MCC: variants seen among roughly 807,000 people sequenced by gnomAD.
MCC encodes MCC regulator of Wnt signaling pathway.
MCC carries 90 observed loss-of-function variants against 116.2 expected under a neutral mutation model. The observed-to-expected ratio is 0.77, with a 90% CI of 0.65 to 0.92. The LOEUF (loss-of-function observed/expected upper bound fraction) is 0.92, where lower values mean the gene tolerates loss of function less well. Among genes scored for constraint, MCC ranks in the 40% least tolerant of loss-of-function variants. The pLI, the probability that MCC is intolerant of heterozygous loss-of-function variation, is 0.00. For missense variants in MCC, 1,516 were observed against 1,312.2 expected (o/e 1.16, Z -2.40); for synonymous variants, 578 against 510.5 (o/e 1.13, Z -1.78).
chr5:113,452,408 C>T (rs1304390476), intron 1 of MCC, among the ~76,000 whole-genome samples: 2 of 152,162 alleles, frequency 1.3e-5, no homozygotes, highest in African/African-American at 4.8e-5. Context: ...GTGATGAGGT[C>T]ATGAGGGTAG....
chr5:113,333,725 A>G (rs1240176883), intron 3 of MCC, among the ~76,000 whole-genome samples: 1 of 147,346 alleles, frequency 6.8e-6, no homozygotes, highest in African/African-American at 2.6e-5. Context: ...GCACTTCCCC[A>G]CAGATAGCTG....
At chr5:113,208,764 A>G (rs946791827) in intron 3 of MCC, among the ~76,000 whole-genome samples, 3 of 152,224 alleles carry the variant, frequency 2.0e-5, no homozygotes, top group African/African-American at 7.2e-5. Flanking sequence ...TAAATGCTTT[A>G]GAGAGACACT....
intron 4 of MCC, among the ~76,000 whole-genome samples, chr5:113,149,432 T>A (rs1208600822): frequency 3.3e-5 from 5 of 152,140 alleles, no homozygotes; most frequent in Non-Finnish European, 5.9e-5. Context: ...ATGAAATAAA[T>A]ACTATGAAAA....
In MCC at chr5:113,385,180, T is replaced by A; in HGVS notation, c.203A>T (p.Asn68Ile). Reference sequence around the variant, plus strand: ...GATCTCAGCCACAGACTCTTCCATATTCAGCTGGCGACAGACCATTAGCAA... The same window carrying A: ...GATCTCAGCCACAGACTCTTCCATAATCAGCTGGCGACAGACCATTAGCAA... The part of the protein sequence containing the change: ...NDLLMVCRQL[N>I]MEESVAEIMN... Residue 68 changes from asparagine to isoleucine, a missense_variant, in exon 2 of 19, where the codon AAT becomes ATT. Transcript: ENST00000408903. 1 of 1,614,186 alleles carries A rather than the reference T, an allele frequency of 6.2e-7. No individual in the cohort carries two copies. The highest frequency in any genetic ancestry group is 8.5e-7 in the Non-Finnish European group (1 of 1,180,026).
chr5:113,304,085 T>G (rs1203932095), intron 3 of MCC, among the ~76,000 whole-genome samples: 1 of 152,152 alleles, frequency 6.6e-6, no homozygotes, highest in Non-Finnish European at 1.5e-5. Flanking sequence ...TCAGTCAAGC[T>G]AGTAGAAGCA....
At chr5:113,045,474 T>C (rs1303890362) in intron 16 of MCC, among the ~76,000 whole-genome samples, 1 of 152,158 alleles carries the variant, frequency 6.6e-6, no homozygotes, top group Non-Finnish European at 1.5e-5. Context: ...GTAGAAATTA[T>C]ATGAAATTTA....
chr5:113,113,851 A>G (rs1757243485), intron 6 of MCC, among the ~76,000 whole-genome samples: 1 of 152,070 alleles, frequency 6.6e-6, no homozygotes, highest in Non-Finnish European at 1.5e-5. Context: ...AAAACTAAAT[A>G]TAATGTGTGA....
chr5:113,396,622 C>T (rs1362408964), intron 1 of MCC, among the ~76,000 whole-genome samples: 1 of 151,984 alleles, frequency 6.6e-6, no homozygotes, highest in Non-Finnish European at 1.5e-5. Flanking sequence ...GGTGACAAAC[C>T]ATATTGTGGT....
chr5:113,222,988 G>T (rs1763605599), intron 3 of MCC, among the ~76,000 whole-genome samples: 1 of 152,200 alleles, frequency 6.6e-6, no homozygotes, highest in African/African-American at 2.4e-5. Context: ...TCAGCACCTA[G>T]GGCTCAGATA....
rs1473678183 is a variant in MCC, at chr5:113,024,862, T to TATG, written c.*2439_*2440insCAT. The TATG allele has an allele frequency of 6.6e-6, 1 of 152,190 alleles. No homozygotes were observed. Among genetic ancestry groups the TATG allele is most frequent in the Non-Finnish European group, 1.5e-5 (1 of 68,042 alleles). 9.4% of individuals were successfully genotyped at this position (152,190 alleles called of 1,614,324 possible). On this transcript the variant is annotated 3_prime_UTR_variant, in exon 19 of 19. Coordinates refer to ENST00000408903, the MANE Select transcript of MCC (RefSeq NM_001085377.2). ...AAAAATACAAGAAAAGGAAAAACTTTTATAGCTTTTTTATTATACATATTT... is the reference window on the plus strand; with the variant it reads ...AAAAATACAAGAAAAGGAAAAACTTTATGTATAGCTTTTTTATTATACATATTT...
chr5:113,068,786 C>G (rs981561843), intron 12 of MCC, among the ~76,000 whole-genome samples: 11 of 152,278 alleles, frequency 7.2e-5, no homozygotes, highest in African/African-American at 2.6e-4. Flanking sequence ...GGTGAGTGAG[C>G]CTTCTTAGAG....
At chr5:113,158,811 A>G (rs1442784447) in intron 3 of MCC, among the ~76,000 whole-genome samples, 1 of 152,234 alleles carries the variant, frequency 6.6e-6, no homozygotes, top group African/African-American at 2.4e-5. Context: ...ACCGGAGATA[A>G]TAACACACAA....
intron 14 of MCC, among the ~76,000 whole-genome samples, chr5:113,061,847 CCTTTT>C (rs1301047405): frequency 6.6e-6 from 1 of 152,186 alleles, no homozygotes; most frequent in Non-Finnish European, 1.5e-5. Context: ...TCAGAAAGAT[CCTTTT>C]CTTTATTTTC....
intron 3 of MCC, among the ~76,000 whole-genome samples, chr5:113,154,219 A>G (rs1410791874): frequency 6.6e-6 from 1 of 152,250 alleles, no homozygotes; most frequent in African/African-American, 2.4e-5. Context: ...TGCAGGCTAT[A>G]GCATAAATAT....
chr5:113,126,567 C>T (rs13361561), intron 5 of MCC, among the ~76,000 whole-genome samples: 2,989 of 152,098 alleles, frequency 0.02, 98 homozygotes, highest in African/African-American at 0.068. Flanking sequence ...TCAGATGAAT[C>T]GTATAGCCTA....
intron 7 of MCC, among the ~76,000 whole-genome samples, chr5:113,103,723 T>C (rs550305840): frequency 1.3e-5 from 2 of 152,194 alleles, no homozygotes. Context: ...TCAGTAAGCC[T>C]TGACTTTCCC....
intron 8 of MCC, among the ~76,000 whole-genome samples, chr5:113,098,579 G>A (rs966055839): frequency 1.3e-5 from 2 of 152,218 alleles, no homozygotes; most frequent in Non-Finnish European, 2.9e-5. Context: ...GCCTCATTCA[G>A]TAATGAACTA....
chr5:113,043,473 G>A lies in MCC; in HGVS notation c.2756+57C>T, dbSNP rs1292402336. 4.1e-6 allele frequency: 6 copies of A among 1,463,940 alleles called. No homozygotes were observed. In the East Asian group the frequency reaches 1.2e-4, roughly 28 times the overall value. 90.7% of individuals were successfully genotyped at this position (1,463,940 alleles called of 1,614,324 possible). On this transcript the variant is annotated intron_variant, in intron 17 of 18. Coordinates refer to ENST00000408903, the MANE Select transcript of MCC (RefSeq NM_001085377.2). ...TTTTGGGAGCAGCAAAGAGAACTCA[G>A]AACAAAGTCTCCATGCCCAGGATAA...
At chr5:113,253,406 T>C (rs1176708023) in intron 3 of MCC, among the ~76,000 whole-genome samples, 1 of 152,168 alleles carries the variant, frequency 6.6e-6, no homozygotes, top group Non-Finnish European at 1.5e-5. Context: ...CAGGAGGGAC[T>C]TGCAGACCCT....
Sources: gnomAD v4.1 joint callset for allele counts (sites outside exome capture counted in the v4.1 genomes callset) on GRCh38, gnomAD v4.1.1 for gene constraint, MANE v1.5 for transcripts, NCBI Gene and HGNC (gene_info 2026-07-23, HGNC 2026-07-21) for gene names.